The following GRAMD1B variants were observed in gnomAD, a reference collection of about 807,000 sequenced individuals.
GRAMD1B encodes the protein protein Aster-B.
In GRAMD1B, 37 loss-of-function variants were observed where a neutral mutation model predicts 99.7. That is an observed-to-expected ratio of 0.37 (90% CI 0.29 to 0.49). GRAMD1B has a LOEUF of 0.49. GRAMD1B is among the 20% of genes least tolerant of loss of function. The pLI is 0.98. For missense variants in GRAMD1B, 888 were observed against 1,009.2 expected (o/e 0.88, Z 1.63); for synonymous variants, 427 against 387.6 (o/e 1.10, Z -1.19).
chr11:123,429,195 A>AAAAAC (rs773581272), upstream of GRAMD1B, among the ~76,000 whole-genome samples: 14 of 152,166 alleles, frequency 9.2e-5, no homozygotes, highest in South Asian at 2.1e-4. This position sits in a 1 kb window ranked among gnomAD's most constrained non-coding sequence, Gnocchi z 4.0. Context: ...TTTGTCTCTT[A>AAAAAC]AAAACAAAAC....
intron 1 of GRAMD1B, among the ~76,000 whole-genome samples, chr11:123,415,095 C>CTTTTTTTTTTTTTTTTTTTTTTTT (rs1175202539): frequency 7.9e-5 from 6 of 75,816 alleles, no homozygotes; most frequent in African/African-American, 1.1e-4. Context: ...CTTTTTCTTT[C>CTTTTTTTTTTTTTTTTTTTTTTTT]TTTTTTTTTT....
intron 10 of GRAMD1B, 115 bp downstream of exon 10, chr11:123,605,593 T>C: frequency 1.2e-6 from 1 of 818,204 alleles, no homozygotes; most frequent in South Asian, 2.1e-5. Flanking sequence ...GTTACATTGT[T>C]GTCAGTTTCT....
rs12418712 is a variant in GRAMD1B, at chr11:123,436,572, G to A, written c.374+5406G>A. Reference sequence around the variant, plus strand: ...CAAAGTGAAGTCAATTCAATGAGGAGCTGTCGTAGATTCTGGAGCTTGGGA... The same window carrying A: ...CAAAGTGAAGTCAATTCAATGAGGAACTGTCGTAGATTCTGGAGCTTGGGA... On this transcript the variant is annotated intron_variant, in intron 1 of 19. Transcript: ENST00000635736. Among the ~76,000 whole-genome samples, 1,556 of 152,308 alleles carry A rather than the reference G, an allele frequency of 0.01. 33 individuals are homozygous for A. In the East Asian group the frequency reaches 0.12, roughly 12 times the overall value.
At chr11:123,608,632 T>C in intron 11 of GRAMD1B, 27 bp from the exon 12 acceptor site, 1 of 1,572,640 alleles carries the variant, frequency 6.4e-7, no homozygotes, top group South Asian at 1.2e-5. Context: ...TGTCACTGTC[T>C]ACTTCCTGAT....
At chr11:123,539,480 G>C (rs1227151180) in intron 2 of GRAMD1B, among the ~76,000 whole-genome samples, 2 of 152,120 alleles carry the variant, frequency 1.3e-5, no homozygotes, top group African/African-American at 4.8e-5. Flanking sequence ...GTATGCACCT[G>C]TTGTCCTAGC....
intron 1 of GRAMD1B, among the ~76,000 whole-genome samples, chr11:123,450,632 C>T (rs747356357): frequency 6.6e-6 from 1 of 152,154 alleles, no homozygotes; most frequent in East Asian, 1.9e-4. Context: ...GAAGTGTCTT[C>T]CATACTGCTT....
At chr11:123,498,405 A>G (rs1247550319) in intron 2 of GRAMD1B, among the ~76,000 whole-genome samples, 5 of 152,178 alleles carry the variant, frequency 3.3e-5, no homozygotes, top group African/African-American at 1.2e-4. Context: ...CTGCACATCC[A>G]CTGCTGGAGA....
upstream of GRAMD1B, among the ~76,000 whole-genome samples, chr11:123,430,138 A>C (rs1417493590): frequency 6.6e-6 from 1 of 152,132 alleles, no homozygotes; most frequent in Non-Finnish European, 1.5e-5. Flanking sequence ...CCCCGAGGGA[A>C]TCCGTGTACA....
intron 1 of GRAMD1B, among the ~76,000 whole-genome samples, chr11:123,363,651 T>A (rs1046350291): frequency 1.3e-5 from 2 of 152,140 alleles, no homozygotes; most frequent in Non-Finnish European, 2.9e-5. Context: ...TCCTTGGAGA[T>A]CTCATTGGCG....
At chr11:123,577,239 TC>T in intron 2 of GRAMD1B, 127 bp from the exon 3 acceptor site, 1 of 780,958 alleles carries the variant, frequency 1.3e-6, no homozygotes, top group Non-Finnish European at 2.1e-6. Context: ...TCCCGGTTTC[TC>T]CCCAGCCCCT....
chr11:123,455,333 T>C (rs1407889773), intron 1 of GRAMD1B, among the ~76,000 whole-genome samples: 1 of 152,140 alleles, frequency 6.6e-6, no homozygotes, highest in African/African-American at 2.4e-5. Context: ...CCTAGCAACA[T>C]AGTAAGGAGT....
chr11:123,495,627 T>C (rs1337593411), intron 2 of GRAMD1B, among the ~76,000 whole-genome samples: 2 of 152,052 alleles, frequency 1.3e-5, no homozygotes, highest in Non-Finnish European at 2.9e-5. Context: ...ATTGTTTTGC[T>C]TTTTAGTTCC....
chr11:123,379,076 G>C (rs1438602600), intron 1 of GRAMD1B, among the ~76,000 whole-genome samples: 1 of 152,116 alleles, frequency 6.6e-6, no homozygotes, highest in Non-Finnish European at 1.5e-5. Flanking sequence ...GTTAAATCAG[G>C]GGTTAAAGTT....
chr11:123,400,597 C>T (rs1591436648), intron 1 of GRAMD1B, among the ~76,000 whole-genome samples: 1 of 152,296 alleles, frequency 6.6e-6, no homozygotes, highest in East Asian at 1.9e-4. Flanking sequence ...TCACCATCTT[C>T]TTGCTGTGTC....
chr11:123,389,303 G>A (rs1947189840), intron 1 of GRAMD1B, among the ~76,000 whole-genome samples: 1 of 151,616 alleles, frequency 6.6e-6, no homozygotes, highest in Non-Finnish European at 1.5e-5. Flanking sequence ...AGAATGGCGA[G>A]ATCCTGGTAG....
At chr11:123,503,360 A>T (rs1264979774) in intron 2 of GRAMD1B, among the ~76,000 whole-genome samples, 1 of 152,152 alleles carries the variant, frequency 6.6e-6, no homozygotes, top group African/African-American at 2.4e-5. Flanking sequence ...GCATAACCAG[A>T]CCAGAGCTAG....
intron 1 of GRAMD1B, among the ~76,000 whole-genome samples, chr11:123,477,162 CCTT>C (rs527620296): frequency 5.5e-4 from 83 of 151,640 alleles, no homozygotes; most frequent in African/African-American, 1.7e-3. Context: ...TTTCTTTCCT[CCTT>C]CTTTCTTTCT....
intron 1 of GRAMD1B, among the ~76,000 whole-genome samples, chr11:123,469,776 T>TTTCCTTCCTTCCTTCCTTCC (rs369545252): frequency 4.5e-4 from 58 of 130,016 alleles, no homozygotes; most frequent in Admixed American, 1.3e-3. Context: ...TTTCTCTTTC[T>TTTCCTTCCTTCCTTCCTTCC]TTCCTTCCTT....
chr11:123,534,734 A>G (rs1943774711), intron 2 of GRAMD1B, among the ~76,000 whole-genome samples: 1 of 152,084 alleles, frequency 6.6e-6, no homozygotes, highest in Admixed American at 6.6e-5. Context: ...GCATGGTGGC[A>G]GGCGCCTGTA....
Sources: gnomAD v4.1 joint callset for allele counts (sites outside exome capture counted in the v4.1 genomes callset) on GRCh38, gnomAD v4.1.1 for gene constraint, Gnocchi (gnomAD v3.1) non-coding constraint, MANE v1.5 for transcripts, NCBI Gene and HGNC (gene_info 2026-07-23, HGNC 2026-07-21) for gene names.